The following GABRG1 variants were observed in gnomAD, a reference collection of about 807,000 sequenced individuals.
GABRG1 encodes the protein gamma-aminobutyric acid type A receptor subunit gamma1, also known as gamma-aminobutyric acid receptor subunit gamma-1.
A neutral mutation model predicts 49.8 loss-of-function variants in GABRG1; 49 were observed. The ratio of observed to expected loss-of-function variants is 0.98; its 90% confidence interval spans 0.78 to 1.25. The LOEUF is 1.25. Among genes scored for constraint, GABRG1 ranks in the 50% most tolerant of loss-of-function variants. The pLI, the probability that GABRG1 is intolerant of heterozygous loss-of-function variation, is 0.00. For missense variants in GABRG1, 552 were observed against 552.3 expected (o/e 1.00, Z 0.01); for synonymous variants, 232 against 185.1 (o/e 1.25, Z -2.06).
At chr4:46,118,132 G>GTGTGTGTATATATATATATATATA (rs377481920) in intron 1 of GABRG1, among the ~76,000 whole-genome samples, 1 of 109,984 alleles carries the variant, frequency 9.1e-6, no homozygotes, top group African/African-American at 5.6e-5. Flanking sequence ...GTGTGTGTGT[G>GTGTGTGTATATATATATATATATA]TATATATATA....
intron 5 of GABRG1, among the ~76,000 whole-genome samples, chr4:46,059,002 C>T (rs1718564666): frequency 6.6e-6 from 1 of 151,902 alleles, no homozygotes; most frequent in Non-Finnish European, 1.5e-5. Context: ...GTTTGGGTTC[C>T]TTTGAATTTT....
chr4:46,046,465 T>C (rs1000768584), intron 8 of GABRG1, among the ~76,000 whole-genome samples: 1 of 152,106 alleles, frequency 6.6e-6, no homozygotes, highest in African/African-American at 2.4e-5. Flanking sequence ...GTATTTCACA[T>C]TTCACCAATA....
intron 8 of GABRG1, among the ~76,000 whole-genome samples, chr4:46,042,573 C>A (rs1363239359): frequency 6.6e-6 from 1 of 151,856 alleles, no homozygotes; most frequent in Non-Finnish European, 1.5e-5. Context: ...TGTTTTCATG[C>A]TAAATTTTGA....
chr4:46,075,126 GA>G lies in GABRG1; in HGVS notation c.321+8859del, dbSNP rs1189818540. The stretch of plus-strand genomic sequence containing the variant: ...TATAAGGAGGGATAAAGCCTAAGAT[GA>G]ACACGGTTTCTTTCAATGACTCTTC... On this transcript the variant is annotated intron_variant, in intron 3 of 8. Coordinates refer to ENST00000295452, the MANE Select transcript of GABRG1 (RefSeq NM_173536.4). 3.3e-5 allele frequency among the ~76,000 whole-genome samples: 5 copies of G among 151,786 alleles called. No homozygotes were observed. In the East Asian group the frequency reaches 7.8e-4, roughly 24 times the overall value.
chr4:46,103,197 G>T (rs970121895), intron 1 of GABRG1, among the ~76,000 whole-genome samples: 1 of 151,562 alleles, frequency 6.6e-6, no homozygotes, highest in Non-Finnish European at 1.5e-5. Flanking sequence ...TAAGGTGCCT[G>T]AGGAATGTGA....
At chr4:46,075,396 G>A (rs953762082) in intron 3 of GABRG1, among the ~76,000 whole-genome samples, 1 of 152,010 alleles carries the variant, frequency 6.6e-6, no homozygotes, top group Admixed American at 6.6e-5. Context: ...AGAGCTCACT[G>A]TATTGCCCGA....
chr4:46,050,107 AT>A (rs890819769), intron 8 of GABRG1, among the ~76,000 whole-genome samples: 64 of 151,934 alleles, frequency 4.2e-4, no homozygotes, highest in Admixed American at 2.6e-4. Context: ...GAAAGCATTC[AT>A]TTTTCTTTAT....
chr4:46,123,097 C>T (rs868559145), intron 1 of GABRG1, among the ~76,000 whole-genome samples: 2 of 124,308 alleles, frequency 1.6e-5, no homozygotes, highest in South Asian at 2.7e-4. Flanking sequence ...GTCCCATACA[C>T]ACAAACACAC....
intron 7 of GABRG1, among the ~76,000 whole-genome samples, chr4:46,052,628 A>C (rs1718272945): frequency 1.3e-5 from 2 of 151,928 alleles, no homozygotes; most frequent in South Asian, 4.1e-4. Flanking sequence ...TGCACATGCT[A>C]ATATTTCTTT....
intron 3 of GABRG1, among the ~76,000 whole-genome samples, chr4:46,079,061 T>C (rs2109419511): frequency 7.7e-6 from 1 of 130,132 alleles, no homozygotes; most frequent in Non-Finnish European, 1.7e-5. Context: ...CATTTTTGTT[T>C]AAAAAGTTTT....
chr4:46,123,940 A>G lies in GABRG1; in HGVS notation c.-27T>C, dbSNP rs748441611. ...GGAATCGCTTTTTTACGTGTGCTGC[A>G]CTAGCTCAATTCTCCCAGCCAGGAC... is the stretch of plus-strand genomic sequence containing the variant. On this transcript the variant is annotated 5_prime_UTR_variant, in exon 1 of 9. Coordinates refer to ENST00000295452, the MANE Select transcript of GABRG1 (RefSeq NM_173536.4). 6 of 1,546,088 alleles carry G rather than the reference A, an allele frequency of 3.9e-6. No homozygotes were observed. Among genetic ancestry groups the G allele is most frequent in the Non-Finnish European group, 5.4e-6 (6 of 1,119,140 alleles).
At chr4:46,047,979 A>G (rs1718068113) in intron 8 of GABRG1, among the ~76,000 whole-genome samples, 1 of 152,058 alleles carries the variant, frequency 6.6e-6, no homozygotes, top group Non-Finnish European at 1.5e-5. Context: ...AAATCAGGAA[A>G]CTAAAAATAA....
At chr4:46,063,787 A>C (rs1238365317) in intron 5 of GABRG1, among the ~76,000 whole-genome samples, 1 of 152,170 alleles carries the variant, frequency 6.6e-6, no homozygotes, top group Non-Finnish European at 1.5e-5. Context: ...CTTATCTGAC[A>C]AAGGGCTAAT....
At chr4:46,095,811 T>C (rs1358710468) in intron 2 of GABRG1, among the ~76,000 whole-genome samples, 1 of 151,904 alleles carries the variant, frequency 6.6e-6, no homozygotes, top group African/African-American at 2.4e-5. Flanking sequence ...GATGAGAATT[T>C]TTTTAATTAG....
chr4:46,063,794 TA>T (rs1264182168), intron 5 of GABRG1, among the ~76,000 whole-genome samples: 2 of 152,122 alleles, frequency 1.3e-5, no homozygotes, highest in African/African-American at 4.8e-5. Flanking sequence ...GACAAAGGGC[TA>T]ATATCCAGAA....
rs1218134629 is a variant in GABRG1, at chr4:46,037,293, A to G, written c.*3695T>C. ...AGTCAGAGCTGACCTTACATTAACT[A>G]GAGCAATGTGGTCAATAGTATTTGA... On this transcript the variant is annotated 3_prime_UTR_variant, in exon 9 of 9. Transcript: ENST00000295452. 1 of 151,894 alleles carries G rather than the reference A, an allele frequency of 6.6e-6. No homozygotes were observed. The highest frequency in any genetic ancestry group is 1.5e-5 in the Non-Finnish European group (1 of 67,860). The allele number at this position is 151,894 out of a possible 1,614,324, so 9.4% of individuals were successfully genotyped here.
In GABRG1 at chr4:46,053,167, G is replaced by T. The variant is rs1048226151; in HGVS notation, c.917-1529C>A. On this transcript the variant is annotated intron_variant, in intron 7 of 8. Transcript: ENST00000295452. ...TTTTTTAAATTTCCAAATATACAAG[G>T]CCATTGTCAGTTATATTATTTTTAT... 2.6e-5 allele frequency among the ~76,000 whole-genome samples: 4 copies of T among 151,080 alleles called. No individual in the cohort carries two copies. In the East Asian group the frequency reaches 7.8e-4, roughly 29 times the overall value.
At chr4:46,115,781 A>G (rs1028144427) in intron 1 of GABRG1, among the ~76,000 whole-genome samples, 4 of 150,820 alleles carry the variant, frequency 2.7e-5, no homozygotes, top group African/African-American at 9.7e-5. Context: ...TATCTCTGTT[A>G]CTTTCAAAAA....
intron 8 of GABRG1, among the ~76,000 whole-genome samples, chr4:46,047,016 T>C (rs1718024433): frequency 3.3e-5 from 5 of 152,140 alleles, no homozygotes. Flanking sequence ...GAGAAAATGT[T>C]TCTTTCCTAC....
Sources: allele counts gnomAD v4.1 joint callset (sites outside exome capture counted in the v4.1 genomes callset), GRCh38; gene constraint gnomAD v4.1.1; transcripts MANE v1.5; gene names NCBI Gene and HGNC (gene_info 2026-07-23, HGNC 2026-07-21).